The following CTNNAL1 variants were observed in gnomAD, a reference collection of about 807,000 sequenced individuals.
CTNNAL1 encodes catenin alpha like 1, also known as alpha-catulin.
CTNNAL1 carries 69 observed loss-of-function variants against 93.6 expected under a neutral mutation model. The observed-to-expected ratio is 0.74, with a 90% CI of 0.61 to 0.90. CTNNAL1 has a LOEUF of 0.90. Ranked by LOEUF, CTNNAL1 falls within the 40% of genes least tolerant of loss-of-function variation. CTNNAL1 has a pLI of 0.00. For missense variants in CTNNAL1, 836 were observed against 862.0 expected (o/e 0.97, Z 0.38); for synonymous variants, 286 against 305.4 (o/e 0.94, Z 0.66).
At chr9:108,967,981 T>C (rs1831008001) in intron 10 of CTNNAL1, among the ~76,000 whole-genome samples, 1 of 152,194 alleles carries the variant, frequency 6.6e-6, no homozygotes. Context: ...TTTGAATGAA[T>C]TACAGCTAGC....
chr9:108,944,786 A>G (rs1830352176), intron 15 of CTNNAL1, among the ~76,000 whole-genome samples: 1 of 152,190 alleles, frequency 6.6e-6, no homozygotes, highest in Admixed American at 6.5e-5. Flanking sequence ...GGTCTTCATA[A>G]TAAATTAAAG....
intron 11 of CTNNAL1, among the ~76,000 whole-genome samples, chr9:108,959,031 A>G (rs1347088554): frequency 2.0e-5 from 3 of 151,708 alleles, no homozygotes; most frequent in Non-Finnish European, 4.4e-5. Flanking sequence ...TGGGAGGCCA[A>G]TGCGGGAGGG....
intron 3 of CTNNAL1, chr9:108,991,877 T>A (rs1418012229): frequency 1.0e-5 from 6 of 580,736 alleles, no homozygotes; most frequent in Non-Finnish European, 1.8e-5. Flanking sequence ...ATACCCTGGA[T>A]TCCCAGATGA....
At chr9:108,985,046 G>GT (rs1831565321) in intron 4 of CTNNAL1, among the ~76,000 whole-genome samples, 1 of 152,152 alleles carries the variant, frequency 6.6e-6, no homozygotes, top group African/African-American at 2.4e-5. Context: ...ATTTGTTTTG[G>GT]TGGGGGGTGA....
At chr9:109,001,731 C>T (rs1007255986) in intron 1 of CTNNAL1, among the ~76,000 whole-genome samples, 1 of 152,198 alleles carries the variant, frequency 6.6e-6, no homozygotes, top group Non-Finnish European at 1.5e-5. Flanking sequence ...GCAGATTCTC[C>T]AGCCCCAGTC....
chr9:109,001,872 T>C (rs1826841364), intron 1 of CTNNAL1, among the ~76,000 whole-genome samples: 1 of 152,240 alleles, frequency 6.6e-6, no homozygotes, highest in African/African-American at 2.4e-5. Context: ...TTTGTTGTTT[T>C]AATGCACTAA....
intron 12 of CTNNAL1, among the ~76,000 whole-genome samples, chr9:108,954,108 G>A (rs1008964829): frequency 6.6e-6 from 1 of 151,916 alleles, no homozygotes; most frequent in Admixed American, 6.6e-5. Flanking sequence ...GTTTAATGAC[G>A]ACTGAAATGG....
intron 15 of CTNNAL1, among the ~76,000 whole-genome samples, chr9:108,944,416 A>G (rs1830336576): frequency 6.6e-6 from 1 of 152,190 alleles, no homozygotes; most frequent in African/African-American, 2.4e-5. Context: ...GACCTTCCCA[A>G]TTCCATCTAG....
intron 15 of CTNNAL1, among the ~76,000 whole-genome samples, chr9:108,945,628 G>GTTTTTTT (rs11287261): frequency 7.1e-6 from 1 of 140,404 alleles, no homozygotes. Flanking sequence ...TGCCCCGCTA[G>GTTTTTTT]TTTTTTTTTT....
chr9:108,967,911 AGTTGGTACCT>A (rs1831006412), intron 10 of CTNNAL1, among the ~76,000 whole-genome samples: 2 of 152,248 alleles, frequency 1.3e-5, no homozygotes, highest in Non-Finnish European at 2.9e-5. Flanking sequence ...ATATATTAAT[AGTTGGTACCT>A]TTGAATGAAT....
chr9:108,985,952 A>G (rs1395929456), intron 4 of CTNNAL1, among the ~76,000 whole-genome samples: 1 of 152,184 alleles, frequency 6.6e-6, no homozygotes, highest in East Asian at 1.9e-4. Flanking sequence ...TGAAGCACTA[A>G]GCGAAGCATC....
intron 4 of CTNNAL1, among the ~76,000 whole-genome samples, chr9:108,990,348 T>C (rs927422312): frequency 6.6e-6 from 1 of 152,176 alleles, no homozygotes; most frequent in Admixed American, 6.5e-5. Context: ...GAATAACAAA[T>C]ATCTAACAAG....
At chr9:108,955,915 C>T (rs544211773) in intron 11 of CTNNAL1, 88 bp from the exon 12 acceptor site, 1 of 789,146 alleles carries the variant, frequency 1.3e-6, no homozygotes, top group South Asian at 2.1e-5. Context: ...ATTAATTAAA[C>T]AAACAGGAAT....
chr9:108,976,311 A>G (rs1831264285), intron 8 of CTNNAL1, among the ~76,000 whole-genome samples: 1 of 152,180 alleles, frequency 6.6e-6, no homozygotes. Context: ...TTAGTGATTC[A>G]TCCATATTGT....
At position 108,964,340 on chromosome 9, in the gene CTNNAL1, T is replaced by TA. The variant is rs1181581871; in HGVS notation, c.1591+1037dup. On this transcript the variant is annotated intron_variant, in intron 11 of 18. Transcript: ENST00000325551. ...GAAATGTTTAAATGGGCATACTCAA[T>TA]AAAAAATATGTAATTTGATATAATT... Among the ~76,000 whole-genome samples, 6 of 152,096 alleles carry TA rather than the reference T, an allele frequency of 3.9e-5. 1 individual carries two copies. The highest frequency in any genetic ancestry group is 8.8e-5 in the Non-Finnish European group (6 of 68,016).
chr9:109,013,236 A>C, intron 1 of CTNNAL1, 66 bp downstream of exon 1: 5 of 1,402,900 alleles, frequency 3.6e-6, no homozygotes, highest in Non-Finnish European at 4.7e-6. Flanking sequence ...CGGTCGTGCG[A>C]GCGGCGGCCG....
At chr9:109,007,258 A>C (rs955839969) in intron 1 of CTNNAL1, among the ~76,000 whole-genome samples, 1 of 152,044 alleles carries the variant, frequency 6.6e-6, no homozygotes, top group Admixed American at 6.6e-5. Context: ...AAGAAAAAAA[A>C]ACACGCATGT....
At chr9:108,957,162 A>G (rs367570463) in intron 11 of CTNNAL1, among the ~76,000 whole-genome samples, 7 of 139,908 alleles carry the variant, frequency 5.0e-5, no homozygotes, top group African/African-American at 1.9e-4. Flanking sequence ...TCTGTCACCC[A>G]GGCTGGAGTG....
chr9:108,965,938 GATA>G (rs545445594), intron 10 of CTNNAL1, among the ~76,000 whole-genome samples: 405 of 152,264 alleles, frequency 2.7e-3, no homozygotes, highest in African/African-American at 9.3e-3. Context: ...GAATGGTAGT[GATA>G]ATAATAAGTA....
Sources: allele counts gnomAD v4.1 joint callset (sites outside exome capture counted in the v4.1 genomes callset), GRCh38; gene constraint gnomAD v4.1.1; transcripts MANE v1.5; gene names NCBI Gene and HGNC (gene_info 2026-07-23, HGNC 2026-07-21).